RABGAP1L: variants seen among roughly 807,000 people sequenced by gnomAD.
RABGAP1L encodes rab GTPase-activating protein 1-like.
Under a neutral mutation model 137.7 loss-of-function variants are expected in RABGAP1L, and 63 were observed. The observed-to-expected ratio is 0.46, with a 90% CI of 0.37 to 0.56. RABGAP1L has a LOEUF of 0.56. Among genes scored for constraint, RABGAP1L ranks in the 20% least tolerant of loss-of-function variants. The probability of loss-of-function intolerance (pLI) is 0.00; values close to 1 mark genes in which losing one functional copy is unlikely to be tolerated. For synonymous variants in RABGAP1L, 431 were observed against 433.7 expected, an observed-to-expected ratio of 0.99 and a Z score of 0.08; for missense variants, 1,095 against 1,244.0, an observed-to-expected ratio of 0.88 and a Z score of 1.80.
At chr1:174,436,492 T>G (rs1256984502) in intron 13 of RABGAP1L, among the ~76,000 whole-genome samples, 1 of 152,216 alleles carries the variant, frequency 6.6e-6, no homozygotes, top group East Asian at 1.9e-4. Context: ...ACCCACTTTT[T>G]GATGGGGTTG....
chr1:174,354,208 G>T (rs1683425303), intron 11 of RABGAP1L, among the ~76,000 whole-genome samples: 1 of 150,642 alleles, frequency 6.6e-6, no homozygotes, highest in South Asian at 2.1e-4. Context: ...TATCTTGATG[G>T]GTTCTTTCTT....
intron 13 of RABGAP1L, among the ~76,000 whole-genome samples, chr1:174,493,251 A>G (rs946645402): frequency 1.1e-4 from 16 of 150,320 alleles, no homozygotes; most frequent in Non-Finnish European, 2.1e-4. Context: ...AGTCCTAGCT[A>G]CTTGGGAGAC....
At chr1:174,674,490 T>G (rs1056286622) in intron 14 of RABGAP1L, among the ~76,000 whole-genome samples, 2 of 151,078 alleles carry the variant, frequency 1.3e-5, no homozygotes, top group African/African-American at 4.9e-5. Flanking sequence ...TCTATCATTA[T>G]TGGACATTTG....
intron 13 of RABGAP1L, among the ~76,000 whole-genome samples, chr1:174,401,097 C>T (rs960039809): frequency 1.3e-5 from 2 of 152,066 alleles, no homozygotes; most frequent in African/African-American, 4.8e-5. Flanking sequence ...GTCAGAAGAG[C>T]TGTTATATGT....
At chr1:174,222,500 A>G (rs1269346342) in intron 3 of RABGAP1L, among the ~76,000 whole-genome samples, 2 of 152,246 alleles carry the variant, frequency 1.3e-5, no homozygotes, top group African/African-American at 2.4e-5. Flanking sequence ...AAGAGTGAAA[A>G]AGTATCAGTA....
chr1:174,695,342 A>G (rs1268696520), intron 15 of RABGAP1L, among the ~76,000 whole-genome samples: 1 of 152,000 alleles, frequency 6.6e-6, no homozygotes, highest in African/African-American at 2.4e-5. Context: ...GTATTTTCAT[A>G]TAGCCTGTCT....
At chr1:174,849,096 T>C (rs1260689432) in intron 19 of RABGAP1L, among the ~76,000 whole-genome samples, 1 of 152,148 alleles carries the variant, frequency 6.6e-6, no homozygotes, top group Non-Finnish European at 1.5e-5. Flanking sequence ...TCGCGCACGG[T>C]GCGTGCACCC....
At chr1:174,981,023 G>A (rs1425768502) in intron 23 of RABGAP1L, among the ~76,000 whole-genome samples, 1 of 151,934 alleles carries the variant, frequency 6.6e-6, no homozygotes, top group African/African-American at 2.4e-5. Context: ...TAAAGACTAT[G>A]TGCTGTGGAA....
chr1:174,582,502 G>A (rs1034395372), intron 13 of RABGAP1L, among the ~76,000 whole-genome samples: 14 of 152,062 alleles, frequency 9.2e-5, no homozygotes, highest in African/African-American at 3.4e-4. Flanking sequence ...CTACTGAGGA[G>A]GCTGAGGCGA....
At chr1:174,589,178 A>G (rs1454734117) in intron 13 of RABGAP1L, among the ~76,000 whole-genome samples, 1 of 152,160 alleles carries the variant, frequency 6.6e-6, no homozygotes, top group Non-Finnish European at 1.5e-5. Flanking sequence ...TTGTAGTTTT[A>G]ATTTCCATTT....
chr1:174,334,729 A>G (rs1681324175), intron 11 of RABGAP1L, among the ~76,000 whole-genome samples: 2 of 152,142 alleles, frequency 1.3e-5, no homozygotes, highest in Admixed American at 6.6e-5. Flanking sequence ...TGTGAATGCT[A>G]TCTTCTTAGT....
At chr1:174,473,115 A>G (rs1456988164) in intron 13 of RABGAP1L, among the ~76,000 whole-genome samples, 5 of 152,232 alleles carry the variant, frequency 3.3e-5, no homozygotes, top group Non-Finnish European at 1.5e-5. Context: ...AACTCTGAAT[A>G]CAGTGAAATG....
At chr1:174,180,588 C>G (rs1460837901) in intron 1 of RABGAP1L, among the ~76,000 whole-genome samples, 1 of 152,126 alleles carries the variant, frequency 6.6e-6, no homozygotes, top group African/African-American at 2.4e-5. Flanking sequence ...CCTTAGCCTC[C>G]CAAGTGGCTG....
rs148499788 is a variant in RABGAP1L at position 174,402,729 on chromosome 1, A to G, written c.1710+8584A>G. On this transcript the variant is annotated intron_variant, in intron 13 of 25. Transcript: ENST00000681986. ...ACGTTTGAGGTGATCTGAAACGACA[A>G]TAGAAGGATCATGACCTTGTTCCTG... is the stretch of plus-strand genomic sequence containing the variant. Among the ~76,000 whole-genome samples the G allele has an allele frequency of 1.9e-3, 285 of 152,286 alleles. 2 individuals carry two copies. Among genetic ancestry groups the G allele is most frequent in the South Asian group, 8.9e-3 (43 of 4,828 alleles).
chr1:174,278,564 G>C, intron 9 of RABGAP1L, 49 bp from the exon 10 acceptor site: 1 of 1,460,236 alleles, frequency 6.8e-7, no homozygotes, highest in Non-Finnish European at 9.4e-7. Flanking sequence ...GTTTAAAGTA[G>C]ACAAGGAATA....
intron 13 of RABGAP1L, among the ~76,000 whole-genome samples, chr1:174,471,847 A>G (rs1057011237): frequency 6.6e-6 from 1 of 152,176 alleles, no homozygotes; most frequent in African/African-American, 2.4e-5. Flanking sequence ...AATCCCCAAT[A>G]TGACTATATT....
chr1:174,389,409 ACATT>A (rs996689213), intron 12 of RABGAP1L, among the ~76,000 whole-genome samples: 5 of 152,016 alleles, frequency 3.3e-5, no homozygotes, highest in African/African-American at 1.2e-4. Context: ...TTCAGTGGTC[ACATT>A]CAATGACTTT....
intron 13 of RABGAP1L, among the ~76,000 whole-genome samples, chr1:174,627,914 G>A (rs945835682): frequency 3.9e-5 from 6 of 152,042 alleles, no homozygotes; most frequent in Non-Finnish European, 8.8e-5. Flanking sequence ...GGTCCAGAAA[G>A]GAGGCATATA....
At chr1:174,759,956 A>G (rs1685092226) in intron 18 of RABGAP1L, among the ~76,000 whole-genome samples, 1 of 152,156 alleles carries the variant, frequency 6.6e-6, no homozygotes, top group Non-Finnish European at 1.5e-5. Flanking sequence ...TTTGGAGGGG[A>G]CTACACTTCA....
Sources: allele counts gnomAD v4.1 joint callset (sites outside exome capture counted in the v4.1 genomes callset), GRCh38; gene constraint gnomAD v4.1.1; transcripts MANE v1.5; gene names NCBI Gene and HGNC (gene_info 2026-07-23, HGNC 2026-07-21).